The following CNTNAP2 variants were observed in gnomAD, a reference collection of about 807,000 sequenced individuals.
CNTNAP2 encodes contactin associated protein 2.
In CNTNAP2, 98 loss-of-function variants were observed where a neutral mutation model predicts 155.2. That is an observed-to-expected ratio of 0.63 (90% CI 0.54 to 0.75). CNTNAP2 has a LOEUF of 0.75. Ranked by LOEUF, CNTNAP2 falls within the 30% of genes least tolerant of loss-of-function variation. The pLI is 0.00. For synonymous variants in CNTNAP2, 651 were observed against 631.2 expected (o/e 1.03, Z -0.47); for missense variants, 1,727 against 1,688.1 (o/e 1.02, Z -0.40).
chr7:147,500,808 CT>C (rs1184573309), intron 11 of CNTNAP2, among the ~76,000 whole-genome samples: 1 of 151,998 alleles, frequency 6.6e-6, no homozygotes, highest in African/African-American at 2.4e-5. Context: ...GGTAATGTTC[CT>C]GATATATAGT....
At chr7:148,001,463 A>AT (rs1334597500) in intron 15 of CNTNAP2, among the ~76,000 whole-genome samples, 25 of 152,046 alleles carry the variant, frequency 1.6e-4, no homozygotes, top group Admixed American at 1.2e-3. Context: ...CTGTTACTCA[A>AT]TTTTTTTTCT....
intron 13 of CNTNAP2, among the ~76,000 whole-genome samples, chr7:147,791,475 T>C (rs570499128): frequency 5.3e-5 from 8 of 150,318 alleles, no homozygotes; most frequent in African/African-American, 2.0e-4. Flanking sequence ...TTTTTTCATT[T>C]AGGTAGTATC....
At chr7:148,040,006 TTC>T (rs1802640998) in intron 15 of CNTNAP2, among the ~76,000 whole-genome samples, 1 of 152,162 alleles carries the variant, frequency 6.6e-6, no homozygotes, top group Non-Finnish European at 1.5e-5. Context: ...AAACTATCCC[TTC>T]TCTCTCTAAA....
chr7:147,300,722 T>C (rs890410710), intron 9 of CNTNAP2, among the ~76,000 whole-genome samples: 2 of 152,154 alleles, frequency 1.3e-5, no homozygotes, highest in African/African-American at 4.8e-5. Context: ...GAGGTTGACG[T>C]CAAACTGTTA....
At chr7:147,640,190 C>G (rs1795250652) in intron 13 of CNTNAP2, among the ~76,000 whole-genome samples, 1 of 151,876 alleles carries the variant, frequency 6.6e-6, no homozygotes, top group South Asian at 2.1e-4. Flanking sequence ...AGTGCAATGG[C>G]TAAATCAAAC....
At chr7:147,642,081 A>G (rs989126693) in intron 13 of CNTNAP2, among the ~76,000 whole-genome samples, 1 of 151,946 alleles carries the variant, frequency 6.6e-6, no homozygotes, top group African/African-American at 2.4e-5. Flanking sequence ...GACTGTATGT[A>G]GAAGACCAAG....
chr7:146,253,219 G>A (rs201161444), intron 1 of CNTNAP2, among the ~76,000 whole-genome samples: 14 of 152,152 alleles, frequency 9.2e-5, no homozygotes, highest in East Asian at 3.9e-4. Context: ...ACTATTTCAC[G>A]CCTCTGTGAG....
chr7:146,149,318 GT>G (rs1421784510), intron 1 of CNTNAP2, among the ~76,000 whole-genome samples: 2 of 152,072 alleles, frequency 1.3e-5, no homozygotes, highest in African/African-American at 4.8e-5. Context: ...AAGATTTCCT[GT>G]ATGATAGGAT....
intron 1 of CNTNAP2, among the ~76,000 whole-genome samples, chr7:146,283,765 C>T (rs962034536): frequency 2.6e-5 from 4 of 152,142 alleles, no homozygotes; most frequent in African/African-American, 4.8e-5. Context: ...GGTGTTTCCA[C>T]TTCCATATGT....
chr7:146,342,540 T>C (rs1233862259), intron 1 of CNTNAP2, among the ~76,000 whole-genome samples: 2 of 152,194 alleles, frequency 1.3e-5, no homozygotes, highest in African/African-American at 4.8e-5. Flanking sequence ...TGTATATGCA[T>C]GATAAAAATC....
chr7:147,701,945 G>A (rs1351009613), intron 13 of CNTNAP2, among the ~76,000 whole-genome samples: 1 of 151,944 alleles, frequency 6.6e-6, no homozygotes, highest in Non-Finnish European at 1.5e-5. Flanking sequence ...CTCTCTAACT[G>A]CCTGCATGAA....
At chr7:146,361,803 A>G (rs1163860257) in intron 1 of CNTNAP2, among the ~76,000 whole-genome samples, 2 of 152,220 alleles carry the variant, frequency 1.3e-5, no homozygotes, top group East Asian at 1.9e-4. Context: ...ATGGAAGCTC[A>G]AAAAGACAGT....
At chr7:147,355,327 C>A (rs1371010917) in intron 9 of CNTNAP2, among the ~76,000 whole-genome samples, 1 of 152,016 alleles carries the variant, frequency 6.6e-6, no homozygotes, top group Non-Finnish European at 1.5e-5. Flanking sequence ...TAAGTGCCCA[C>A]AGGAGAAAGC....
intron 1 of CNTNAP2, among the ~76,000 whole-genome samples, chr7:146,343,355 T>A (rs545462976): frequency 6.6e-6 from 1 of 152,274 alleles, no homozygotes; most frequent in East Asian, 1.9e-4. Flanking sequence ...CTCTGTCTTT[T>A]TTTTTTCGTG....
At chr7:146,417,210 A>G (rs939586307) in intron 1 of CNTNAP2, among the ~76,000 whole-genome samples, 2 of 152,164 alleles carry the variant, frequency 1.3e-5, no homozygotes, top group Admixed American at 6.6e-5. Context: ...ATATCTGTAT[A>G]AAGAGCTCTG....
intron 13 of CNTNAP2, among the ~76,000 whole-genome samples, chr7:147,837,939 C>T (rs969817509): frequency 6.6e-6 from 1 of 152,172 alleles, no homozygotes; most frequent in African/African-American, 2.4e-5. Flanking sequence ...CTTCCAGGTG[C>T]ATGGTAGTTC....
In CNTNAP2 at chr7:146,132,700, A is replaced by G. The variant is rs1797734688; in HGVS notation, c.97+15727A>G. On this transcript the variant is annotated intron_variant, in intron 1 of 23. Transcript: ENST00000361727. ...TTGTTCTTGCGATAGTTTACTGAGA[A>G]TGTTTTCCAATTTCATCCATGTCCC... Among the ~76,000 whole-genome samples, 5 of 151,844 alleles carry G rather than the reference A, an allele frequency of 3.3e-5. No homozygotes were observed. The South Asian group carries it at 6.3e-4, about 19-fold the overall frequency.
chr7:146,385,097 A>G (rs1487269392), intron 1 of CNTNAP2, among the ~76,000 whole-genome samples: 5 of 152,140 alleles, frequency 3.3e-5, no homozygotes, highest in Non-Finnish European at 5.9e-5. Context: ...CTTTTCACTG[A>G]TCCAATTTGT....
chr7:147,444,438 C>T (rs1203477746), intron 10 of CNTNAP2, among the ~76,000 whole-genome samples: 5 of 151,220 alleles, frequency 3.3e-5, no homozygotes, highest in Admixed American at 6.6e-5. Context: ...CTAAAGCTTA[C>T]ATTATATTCT....
Sources: allele counts gnomAD v4.1 joint callset (sites outside exome capture counted in the v4.1 genomes callset), GRCh38; gene constraint gnomAD v4.1.1; transcripts MANE v1.5; gene names NCBI Gene and HGNC (gene_info 2026-07-23, HGNC 2026-07-21).